The following NPM1 variants were observed in gnomAD, a reference collection of about 807,000 sequenced individuals.
NPM1 encodes the protein nucleophosmin 1.
In NPM1, 1 loss-of-function variant was observed where a neutral mutation model predicts 44.1. That is an observed-to-expected ratio of 0.02 (90% CI 0.01 to 0.11). The LOEUF (loss-of-function observed/expected upper bound fraction) is 0.11, where lower values mean the gene tolerates loss of function less well. Ranked by LOEUF, NPM1 falls within the 10% of genes least tolerant of loss-of-function variation. The pLI, the probability that NPM1 is intolerant of heterozygous loss-of-function variation, is 1.00. For missense variants in NPM1, 197 were observed against 347.8 expected (o/e 0.57, Z 3.45); for synonymous variants, 126 against 111.8 (o/e 1.13, Z -0.80).
In NPM1 at chr5:171,391,758, G is replaced by A; in HGVS notation, c.311G>A (p.Cys104Tyr). ...ITPPVVLRLK[C>Y]GSGPVHISGQ... is the part of the protein sequence containing the mutation. ...CCACCAGTGGTCTTAAGGTTGAAGT[G>A]TGGTTCAGGGCCAGTGCATATTAGT... The change falls in exon 4 of 11, where the codon TGT becomes TAT. Residue 104 changes from cysteine to tyrosine, a missense_variant. This residue lies in a region of NPM1 where 43 missense variants were observed against 109.6 expected (regional missense o/e 0.39). Coordinates refer to ENST00000296930, the MANE Select transcript of NPM1 (RefSeq NM_002520.7). 4 of 1,611,446 alleles carry A rather than the reference G, an allele frequency of 2.5e-6. No homozygotes were observed. Among genetic ancestry groups the A allele is most frequent in the Non-Finnish European group, 3.4e-6 (4 of 1,178,946 alleles).
At chr5:171,398,909 T>G (rs10059369) in intron 6 of NPM1, among the ~76,000 whole-genome samples, 61,478 of 151,898 alleles carry the variant, frequency 0.4, 12,455 homozygotes, top group East Asian at 0.55. Flanking sequence ...ACCCAGGCTG[T>G]AGCACAGTGG....
chr5:171,397,150 A>G (rs1261614416), intron 6 of NPM1, among the ~76,000 whole-genome samples: 2 of 147,486 alleles, frequency 1.4e-5, no homozygotes, highest in African/African-American at 2.7e-5. Context: ...TGTCCCTCAT[A>G]TTTTGCACGA....
At chr5:171,393,022 CA>C (rs749829136) in intron 6 of NPM1, 44 bp downstream of exon 6, 8 of 1,569,110 alleles carry the variant, frequency 5.1e-6, no homozygotes, top group South Asian at 4.7e-5. Flanking sequence ...GGAATCTTGA[CA>C]AAAAAAGGAA....
At position 171,409,824 on chromosome 5, in the gene NPM1, GTTTGTTT is replaced by G. The variant is rs948818254; in HGVS notation, c.847-694_847-688del. Among the ~76,000 whole-genome samples the G allele has an allele frequency of 3.6e-4, 11 of 30,532 alleles. No individual in the cohort carries two copies. In the Admixed American group the frequency reaches 4.6e-3, roughly 13 times the overall value. 20.0% of individuals were successfully genotyped at this position (30,532 alleles called of 152,430 possible). ...GCCTGGCCAGCTGTTTTTTTTGTTG[GTTTGTTT>G]TTTGTTTTGGTACCCATCTGTAGTG... On this transcript the variant is annotated intron_variant, in intron 10 of 10. Coordinates refer to ENST00000296930, the MANE Select transcript of NPM1 (RefSeq NM_002520.7).
At chr5:171,408,492 T>G (rs569408915) in intron 10 of NPM1, among the ~76,000 whole-genome samples, 17 of 152,128 alleles carry the variant, frequency 1.1e-4, no homozygotes, top group African/African-American at 2.9e-4. Flanking sequence ...AATTAGCTGG[T>G]TTTTTTTCTG....
At chr5:171,390,008 T>G in intron 1 of NPM1, 43 bp from the exon 2 acceptor site, 1 of 1,223,088 alleles carries the variant, frequency 8.2e-7, no homozygotes, top group Non-Finnish European at 1.2e-6. Context: ...AGTTTCAGTG[T>G]TATTTTTCTC....
chr5:171,403,593 G>A (rs1771355244), intron 8 of NPM1, among the ~76,000 whole-genome samples: 1 of 114,646 alleles, frequency 8.7e-6, no homozygotes, highest in African/African-American at 3.2e-5. Flanking sequence ...CTGGGCAGAG[G>A]CGCCCCTCAC....
intron 10 of NPM1, 60 bp downstream of exon 10, chr5:171,407,834 C>G: frequency 9.8e-7 from 1 of 1,022,042 alleles, no homozygotes. Context: ...TATTATGATT[C>G]TGCCTTTACC....
At chr5:171,400,955 A>C in intron 8 of NPM1, 30 bp downstream of exon 8, 575 of 1,426,360 alleles carry the variant, frequency 4.0e-4, no homozygotes, top group Non-Finnish European at 5.3e-4. Context: ...CGTGGGTCTC[A>C]TTGATCTAGT....
intron 10 of NPM1, among the ~76,000 whole-genome samples, chr5:171,409,499 C>T (rs1353693085): frequency 2.0e-5 from 3 of 152,056 alleles, no homozygotes; most frequent in Admixed American, 1.3e-4. Flanking sequence ...TTGCAGTGAG[C>T]GCCACTGCAC....
chr5:171,403,888 C>T (rs1370128238), intron 8 of NPM1, among the ~76,000 whole-genome samples: 1 of 53,090 alleles, frequency 1.9e-5, no homozygotes, highest in Non-Finnish European at 4.0e-5. Context: ...CCCTCCCGGA[C>T]GGGGCGGCCG....
chr5:171,408,450 C>T (rs1771674852), intron 10 of NPM1, among the ~76,000 whole-genome samples: 1 of 152,070 alleles, frequency 6.6e-6, no homozygotes, highest in East Asian at 1.9e-4. Flanking sequence ...TTCCTGTGGT[C>T]AGCTTTTTTC....
At chr5:171,390,233 A>G (rs558807644) in intron 2 of NPM1, 103 bp downstream of exon 2, 1 of 617,644 alleles carries the variant, frequency 1.6e-6, no homozygotes, top group East Asian at 3.0e-5. Flanking sequence ...GACTGCTTAT[A>G]AAATACTATT....
At chr5:171,407,842 A>G in intron 10 of NPM1, 68 bp downstream of exon 10, 1 of 961,414 alleles carries the variant, frequency 1.0e-6, no homozygotes, top group Non-Finnish European at 1.7e-6. Context: ...TTCTGCCTTT[A>G]CCCTTTTTAA....
intron 1 of NPM1, among the ~76,000 whole-genome samples, chr5:171,388,780 C>CT: frequency 6.6e-6 from 1 of 152,298 alleles, no homozygotes; most frequent in East Asian, 1.9e-4. Context: ...TTTTGAGCCC[C>CT]TTTTCTGTCT....
chr5:171,395,441 A>C (rs898501721), intron 6 of NPM1, among the ~76,000 whole-genome samples: 2 of 152,070 alleles, frequency 1.3e-5, no homozygotes, highest in Non-Finnish European at 2.9e-5. Flanking sequence ...CTTGGATTAC[A>C]GGCACTTGCC....
chr5:171,409,689 T>C (rs1376912789), intron 10 of NPM1, among the ~76,000 whole-genome samples: 1 of 152,228 alleles, frequency 6.6e-6, no homozygotes, highest in Non-Finnish European at 1.5e-5. Context: ...TGGACTTTTC[T>C]TCAGAACCAC....
intron 6 of NPM1, among the ~76,000 whole-genome samples, chr5:171,395,528 A>C (rs1240610406): frequency 6.6e-6 from 1 of 152,110 alleles, no homozygotes; most frequent in East Asian, 1.9e-4. Flanking sequence ...TCGAACTCCA[A>C]AGTGCTGGGA....
At chr5:171,394,867 G>A (rs891922578) in intron 6 of NPM1, among the ~76,000 whole-genome samples, 1 of 152,092 alleles carries the variant, frequency 6.6e-6, no homozygotes, top group Non-Finnish European at 1.5e-5. Context: ...GGCTTTGGAA[G>A]ATTTCCTTTT....
Sources: gnomAD v4.1 joint callset for allele counts (sites outside exome capture counted in the v4.1 genomes callset) on GRCh38, gnomAD v4.1.1 for gene constraint, gnomAD v4.1.1 regional missense constraint, MANE v1.5 for transcripts, NCBI Gene and HGNC (gene_info 2026-07-23, HGNC 2026-07-21) for gene names.